The following SGCZ variants were observed in gnomAD, a reference collection of about 807,000 sequenced individuals.
SGCZ encodes the protein zeta-sarcoglycan.
A neutral mutation model predicts 41.3 loss-of-function variants in SGCZ; 40 were observed. That is an observed-to-expected ratio of 0.97 (90% CI 0.75 to 1.26). The LOEUF is 1.26. SGCZ is among the 50% of genes most tolerant of loss of function. The pLI is 0.00. For synonymous variants in SGCZ, 206 were observed against 137.5 expected (o/e 1.50, Z -3.49); for missense variants, 552 against 369.8 (o/e 1.49, Z -4.04).
chr8:15,185,686 C>T (rs922108316), intron 1 of SGCZ, among the ~76,000 whole-genome samples: 2 of 152,230 alleles, frequency 1.3e-5, no homozygotes, highest in Non-Finnish European at 2.9e-5. Context: ...GACCACACTG[C>T]TTGAGACATC....
chr8:14,132,602 T>C (rs1005074683), intron 5 of SGCZ, among the ~76,000 whole-genome samples: 66 of 152,352 alleles, frequency 4.3e-4, no homozygotes, highest in African/African-American at 1.5e-3. Flanking sequence ...TCCATGTTTT[T>C]CTTTAGCTAC....
rs73535034 is a variant in SGCZ, at chr8:14,834,613, C to T, written c.40-279687G>A. ...GCAAGAAAAGGAGAGAAACTGAAAA[C>T]TATTGGATGGCCTTTTTATGATCGC... On this transcript the variant is annotated intron_variant, in intron 1 of 7. Transcript: ENST00000382080. Among the ~76,000 whole-genome samples, 147 of 152,268 alleles carry T rather than the reference C, an allele frequency of 9.7e-4. 1 individual carries two copies. Among genetic ancestry groups the T allele is most frequent in the African/African-American group, 3.2e-3 (135 of 41,554 alleles).
At chr8:14,310,238 G>C (rs1211439392) in intron 3 of SGCZ, among the ~76,000 whole-genome samples, 1 of 151,952 alleles carries the variant, frequency 6.6e-6, no homozygotes, top group Non-Finnish European at 1.5e-5. Flanking sequence ...TTCAGTTTTT[G>C]ATTTGTTTTG....
intron 1 of SGCZ, among the ~76,000 whole-genome samples, chr8:14,956,299 A>G (rs1190861506): frequency 4.6e-5 from 7 of 151,860 alleles, no homozygotes; most frequent in African/African-American, 1.5e-4. Context: ...CAGCCTCCCA[A>G]ACTGCTGGAA....
chr8:14,555,411 G>A (rs925348901), intron 1 of SGCZ, among the ~76,000 whole-genome samples: 1 of 151,936 alleles, frequency 6.6e-6, no homozygotes, highest in African/African-American at 2.4e-5. Context: ...CTCATGGGAC[G>A]TGGTTAAGTG....
At chr8:15,156,998 T>G (rs1799351308) in intron 1 of SGCZ, among the ~76,000 whole-genome samples, 1 of 150,368 alleles carries the variant, frequency 6.7e-6, no homozygotes, top group Non-Finnish European at 1.5e-5. Context: ...AAGCAAGCAC[T>G]TCTCAAATAT....
chr8:15,148,372 G>A (rs1235551222), intron 1 of SGCZ, among the ~76,000 whole-genome samples: 1 of 152,078 alleles, frequency 6.6e-6, no homozygotes, highest in Non-Finnish European at 1.5e-5. Context: ...AAGATGCCTC[G>A]ATGTCAGTTT....
rs1212647040 is a variant in SGCZ, at chr8:15,146,401, T to C, written c.39+91184A>G. 3.9e-5 allele frequency among the ~76,000 whole-genome samples: 6 copies of C among 152,304 alleles called. No homozygotes were observed. In the East Asian group the frequency reaches 1.2e-3, roughly 29 times the overall value. On this transcript the variant is annotated intron_variant, in intron 1 of 7. Coordinates refer to ENST00000382080, the MANE Select transcript of SGCZ (RefSeq NM_139167.4). Reference sequence around the variant, plus strand: ...TTTATTATGAGAAATGGAGTCTCCATATTGTCCAAGTTGGAGTGCAGTGGC... The same window carrying C: ...TTTATTATGAGAAATGGAGTCTCCACATTGTCCAAGTTGGAGTGCAGTGGC...
chr8:14,438,241 C>A (rs114880333), intron 2 of SGCZ, among the ~76,000 whole-genome samples: 1,642 of 151,888 alleles, frequency 0.011, 29 homozygotes, highest in African/African-American at 0.037. Flanking sequence ...TGATTAAGTT[C>A]TAAAAGGAAT....
At position 14,554,798 on chromosome 8, in the gene SGCZ, C is replaced by G; in HGVS notation, c.168G>C (p.Leu56=). ...KRCLYFFVLL[L]LVTMIVNLAM... is the part of the protein sequence containing the mutation. ...CTAAGTTAACTATCATGGTAACCAA[C>G]AGCAGAAGGACAAAGAAGTATAAGC... Residue 56 remains leucine (L), a synonymous_variant, in exon 2 of 8, where the codon CTG becomes CTC. Transcript: ENST00000382080. The G allele has an allele frequency of 1.2e-6, 2 of 1,613,178 alleles. No individual in the cohort carries two copies. Among genetic ancestry groups the G allele is most frequent in the Non-Finnish European group, 8.5e-7 (1 of 1,179,540 alleles).
chr8:14,503,751 A>G (rs1157705099), intron 2 of SGCZ, among the ~76,000 whole-genome samples: 1 of 152,196 alleles, frequency 6.6e-6, no homozygotes, highest in Non-Finnish European at 1.5e-5. Flanking sequence ...CTGGTGACAG[A>G]GCAAGACTCC....
At chr8:14,563,018 C>G (rs1804253236) in intron 1 of SGCZ, among the ~76,000 whole-genome samples, 1 of 152,062 alleles carries the variant, frequency 6.6e-6, no homozygotes, top group African/African-American at 2.4e-5. Context: ...ATTCCTTGAC[C>G]TTATACACTA....
At chr8:14,835,531 T>C (rs1480936720) in intron 1 of SGCZ, among the ~76,000 whole-genome samples, 2 of 152,200 alleles carry the variant, frequency 1.3e-5, no homozygotes, top group African/African-American at 4.8e-5. Context: ...ACAGCATCTC[T>C]CCAACCTTGA....
chr8:14,857,505 T>C (rs747383761), intron 1 of SGCZ, among the ~76,000 whole-genome samples: 2 of 152,174 alleles, frequency 1.3e-5, no homozygotes, highest in African/African-American at 2.4e-5. Context: ...TATTATTTCA[T>C]AGTAATAGTT....
intron 1 of SGCZ, among the ~76,000 whole-genome samples, chr8:14,835,088 T>C (rs1329508255): frequency 6.6e-6 from 1 of 152,186 alleles, no homozygotes; most frequent in African/African-American, 2.4e-5. Flanking sequence ...AATAGTTAGA[T>C]TGCAATCTCT....
intron 1 of SGCZ, among the ~76,000 whole-genome samples, chr8:14,784,561 A>G (rs531115261): frequency 9.9e-5 from 15 of 152,088 alleles, no homozygotes; most frequent in Admixed American, 7.2e-4. Flanking sequence ...TTTTCTTCAG[A>G]TCTGCCATAT....
rs562509473 is a variant in SGCZ at position 14,633,393 on chromosome 8, G to C, written c.40-78467C>G. Among the ~76,000 whole-genome samples, 19 of 151,998 alleles carry C rather than the reference G, an allele frequency of 1.3e-4. No individual in the cohort carries two copies. In the East Asian group the frequency reaches 3.7e-3, roughly 29 times the overall value. On this transcript the variant is annotated intron_variant, in intron 1 of 7. Coordinates refer to ENST00000382080, the MANE Select transcript of SGCZ (RefSeq NM_139167.4). ...GTTTCCTTTCTCTAAAATAGACATA[G>C]TAATGCATAAAATGTTCTTTTGAAT...
chr8:14,104,384 G>C (rs1270261330), intron 6 of SGCZ, among the ~76,000 whole-genome samples: 2 of 151,362 alleles, frequency 1.3e-5, no homozygotes, highest in African/African-American at 4.8e-5. Context: ...ATGTATCAAA[G>C]TTGCAACAAG....
intron 5 of SGCZ, among the ~76,000 whole-genome samples, chr8:14,160,204 A>G (rs958733129): frequency 3.3e-5 from 5 of 152,224 alleles, no homozygotes; most frequent in Non-Finnish European, 7.3e-5. Flanking sequence ...AGTCTAACTA[A>G]TAGCTTTTAA....
Sources: gnomAD v4.1 joint callset for allele counts (sites outside exome capture counted in the v4.1 genomes callset) on GRCh38, gnomAD v4.1.1 for gene constraint, MANE v1.5 for transcripts, NCBI Gene and HGNC (gene_info 2026-07-23, HGNC 2026-07-21) for gene names.